GALNT7: variants seen among roughly 807,000 people sequenced by gnomAD.
GALNT7 encodes the protein polypeptide N-acetylgalactosaminyltransferase 7.
A neutral mutation model predicts 82.1 loss-of-function variants in GALNT7; 60 were observed. The ratio of observed to expected loss-of-function variants is 0.73; its 90% CI spans 0.59 to 0.91. GALNT7 has a LOEUF of 0.91. Ranked by LOEUF, GALNT7 falls within the 40% of genes least tolerant of loss-of-function variation. The pLI is 0.00. For synonymous variants in GALNT7, 243 were observed against 275.1 expected (o/e 0.88, Z 1.15); for missense variants, 660 against 804.2 (o/e 0.82, Z 2.17).
intron 1 of GALNT7, among the ~76,000 whole-genome samples, chr4:173,205,061 C>T (rs1206913563): frequency 1.3e-5 from 2 of 152,144 alleles, no homozygotes; most frequent in African/African-American, 4.8e-5. Flanking sequence ...GGACTTTGTG[C>T]CTGGATCAGC....
chr4:173,233,577 G>C (rs1445960076), intron 1 of GALNT7, among the ~76,000 whole-genome samples: 5 of 152,180 alleles, frequency 3.3e-5, no homozygotes, highest in African/African-American at 1.2e-4. Flanking sequence ...AGACACTGTT[G>C]GATTAATTCA....
intron 1 of GALNT7, among the ~76,000 whole-genome samples, chr4:173,206,383 A>G (rs1307543025): frequency 2.0e-5 from 3 of 152,074 alleles, no homozygotes; most frequent in Non-Finnish European, 4.4e-5. Context: ...GTGTTTTTCT[A>G]TGTGGATGGT....
chr4:173,312,303 T>C (rs1737414923), intron 8 of GALNT7, among the ~76,000 whole-genome samples: 1 of 152,224 alleles, frequency 6.6e-6, no homozygotes, highest in Non-Finnish European at 1.5e-5. Flanking sequence ...AAATTCAGGC[T>C]TGGGCAGCTA....
Position 173,247,960 on chromosome 4 carries a change from A to G in GALNT7, c.127-20A>G, listed in dbSNP as rs1374918536. The G allele has an allele frequency of 6.5e-7, 1 of 1,537,160 alleles. No homozygotes were observed. The highest frequency in any genetic ancestry group is 1.7e-5 in the Admixed American group (1 of 58,398). On this transcript the variant is annotated intron_variant, in intron 1 of 11. Transcript: ENST00000265000. ...GTTTGCCTTCATGTACTCATTGTAT[A>G]TCCCCTCCCTTTTGTATAGGAAGAC... is the stretch of plus-strand genomic sequence containing the variant.
chr4:173,298,076 C>A, intron 5 of GALNT7, 39 bp from the exon 6 acceptor site: 1 of 1,599,658 alleles, frequency 6.3e-7, no homozygotes, highest in Non-Finnish European at 8.6e-7. Context: ...TCCATACATA[C>A]GCTTCCATTT....
At chr4:173,256,744 G>A (rs1462915429) in intron 2 of GALNT7, among the ~76,000 whole-genome samples, 2 of 152,194 alleles carry the variant, frequency 1.3e-5, no homozygotes, top group African/African-American at 4.8e-5. Context: ...GCTATGCTAT[G>A]ACTGCTTTGC....
intron 2 of GALNT7, among the ~76,000 whole-genome samples, chr4:173,280,386 C>G (rs756310650): frequency 2.6e-5 from 4 of 152,116 alleles, no homozygotes; most frequent in African/African-American, 9.7e-5. Context: ...AGAGAAAATG[C>G]AAGTGAGACA....
At chr4:173,207,263 T>TG (rs1733130491) in intron 1 of GALNT7, among the ~76,000 whole-genome samples, 1 of 152,224 alleles carries the variant, frequency 6.6e-6, no homozygotes, top group Admixed American at 6.5e-5. Context: ...AATGCCCCTT[T>TG]ATATGCTTTT....
At chr4:173,314,367 C>T (rs984767772) in intron 9 of GALNT7, among the ~76,000 whole-genome samples, 191 bp downstream of exon 9, 1 of 152,200 alleles carries the variant, frequency 6.6e-6, no homozygotes, top group African/African-American at 2.4e-5. Context: ...TGTCTCCTGG[C>T]AGCCTTTGCT....
At chr4:173,221,928 T>C (rs975481433) in intron 1 of GALNT7, among the ~76,000 whole-genome samples, 1 of 152,228 alleles carries the variant, frequency 6.6e-6, no homozygotes, top group Non-Finnish European at 1.5e-5. Flanking sequence ...TACACTATTT[T>C]AGCATGACTC....
At chr4:173,219,103 G>A (rs1202880460) in intron 1 of GALNT7, among the ~76,000 whole-genome samples, 2 of 152,014 alleles carry the variant, frequency 1.3e-5, no homozygotes, top group Non-Finnish European at 2.9e-5. Flanking sequence ...TGTAGCCAAT[G>A]TGTAGTCTTT....
rs28501171 is a variant in GALNT7 at position 173,203,017 on chromosome 4, T to A, written c.126+34056T>A. ...CTCTTTTGATTTCAATTTTCATGGA[T>A]TTTTTTTTTTTTCATTTCTTTACTT... On this transcript the variant is annotated intron_variant, in intron 1 of 11. Transcript: ENST00000265000. Among the ~76,000 whole-genome samples, 445 of 130,602 alleles carry A rather than the reference T, an allele frequency of 3.4e-3. 4 individuals carry two copies. The highest frequency in any genetic ancestry group is 0.014 in the African/African-American group (428 of 29,576). 85.7% of individuals were successfully genotyped at this position (130,602 alleles called of 152,430 possible).
chr4:173,259,462 G>A (rs1367003406), intron 2 of GALNT7, among the ~76,000 whole-genome samples: 1 of 150,962 alleles, frequency 6.6e-6, no homozygotes, highest in South Asian at 2.1e-4. Context: ...ACCGGGAGTG[G>A]AGAAAAAAGA....
chr4:173,306,931 T>C (rs1580009191), intron 8 of GALNT7, among the ~76,000 whole-genome samples: 1 of 152,206 alleles, frequency 6.6e-6, no homozygotes, highest in African/African-American at 2.4e-5. Context: ...TACAGGCTGG[T>C]TTCAGCTTCC....
At chr4:173,234,975 G>A (rs987206719) in intron 1 of GALNT7, among the ~76,000 whole-genome samples, 10 of 152,160 alleles carry the variant, frequency 6.6e-5, no homozygotes, top group South Asian at 2.1e-4. Context: ...TATACAGCCT[G>A]CAGAACTGTG....
In GALNT7 at chr4:173,305,212, T is replaced by C. The variant is rs141478464; in HGVS notation, c.1389+1094T>C. 7.2e-5 allele frequency among the ~76,000 whole-genome samples: 11 copies of C among 152,346 alleles called. No individual in the cohort carries two copies. In the East Asian group the frequency reaches 2.1e-3, roughly 29 times the overall value. On this transcript the variant is annotated intron_variant, in intron 8 of 11. Coordinates refer to ENST00000265000, the MANE Select transcript of GALNT7 (RefSeq NM_017423.3). ...TAATGATGTTGAGCATTTCTTCATATAACTGTTGGCTAGTTGTATGTCTTC... is the reference window on the plus strand; with the variant it reads ...TAATGATGTTGAGCATTTCTTCATACAACTGTTGGCTAGTTGTATGTCTTC...
At position 173,280,839 on chromosome 4, in the gene GALNT7, A is replaced by G. The variant is rs779454024; in HGVS notation, c.588-11269A>G. On this transcript the variant is annotated intron_variant, in intron 2 of 11. Transcript: ENST00000265000. ...TCTTTCTTACTAAATCTTAATAGCA[A>G]GGCTTTGTGTATTATAAATACTACT... Among the ~76,000 whole-genome samples, 26 of 152,200 alleles carry G rather than the reference A, an allele frequency of 1.7e-4. 1 individual carries two copies. Among genetic ancestry groups the G allele is most frequent in the Non-Finnish European group, 3.1e-4 (21 of 68,022 alleles).
At chr4:173,195,737 TC>T (rs1424473902) in intron 1 of GALNT7, among the ~76,000 whole-genome samples, 1 of 152,206 alleles carries the variant, frequency 6.6e-6, no homozygotes, top group East Asian at 1.9e-4. Context: ...GATGATGACT[TC>T]CATGAGACAG....
At chr4:173,170,850 C>T (rs1731838907) in intron 1 of GALNT7, among the ~76,000 whole-genome samples, 1 of 152,184 alleles carries the variant, frequency 6.6e-6, no homozygotes, top group Non-Finnish European at 1.5e-5. Flanking sequence ...GGCGGAACAT[C>T]AGCATCACTT....
Sources: allele counts gnomAD v4.1 joint callset (sites outside exome capture counted in the v4.1 genomes callset), GRCh38; gene constraint gnomAD v4.1.1; transcripts MANE v1.5; gene names NCBI Gene and HGNC (gene_info 2026-07-23, HGNC 2026-07-21).